The following ZNF385B variants were observed in gnomAD, a reference collection of about 807,000 sequenced individuals.
The protein encoded by ZNF385B is zinc finger protein 533.
In ZNF385B, 23 loss-of-function variants were observed where a neutral mutation model predicts 39.2. That is an observed-to-expected ratio of 0.59 (90% CI 0.42 to 0.83). ZNF385B has a LOEUF of 0.83. Among genes scored for constraint, ZNF385B ranks in the 40% least tolerant of loss-of-function variants. The pLI is 0.00. For missense variants in ZNF385B, 552 were observed against 598.9 expected, an observed-to-expected ratio of 0.92 and a Z score of 0.82; for synonymous variants, 205 against 222.6, an observed-to-expected ratio of 0.92 and a Z score of 0.70.
intron 1 of ZNF385B, among the ~76,000 whole-genome samples, chr2:179,850,468 C>T (rs1386820194): frequency 1.3e-5 from 2 of 152,182 alleles, no homozygotes; most frequent in Non-Finnish European, 2.9e-5. Flanking sequence ...TATGATCCCA[C>T]CCACTGAATC....
chr2:179,625,295 A>C (rs1234638809), intron 3 of ZNF385B, among the ~76,000 whole-genome samples: 3 of 152,134 alleles, frequency 2.0e-5, no homozygotes, highest in Non-Finnish European at 4.4e-5. Flanking sequence ...GGAAGTTCAG[A>C]TGCAAGAATA....
At chr2:179,795,792 C>T (rs1283483566) in intron 1 of ZNF385B, among the ~76,000 whole-genome samples, 2 of 152,070 alleles carry the variant, frequency 1.3e-5, no homozygotes, top group Non-Finnish European at 2.9e-5. Flanking sequence ...ACATTAAATT[C>T]CTGTTAGAAG....
At chr2:179,587,918 G>A (rs907362646) in intron 3 of ZNF385B, among the ~76,000 whole-genome samples, 1 of 152,136 alleles carries the variant, frequency 6.6e-6, no homozygotes, top group African/African-American at 2.4e-5. Flanking sequence ...CTTGCCCCAT[G>A]CTTAGGGTCT....
intron 4 of ZNF385B, among the ~76,000 whole-genome samples, chr2:179,530,299 GA>G (rs2059177836): frequency 2.0e-5 from 3 of 151,768 alleles, no homozygotes; most frequent in Admixed American, 6.6e-5. Flanking sequence ...TTTAGGAGAG[GA>G]AAAAAAGTAT....
intron 5 of ZNF385B, among the ~76,000 whole-genome samples, chr2:179,491,159 G>T (rs2055180067): frequency 6.6e-6 from 1 of 152,036 alleles, no homozygotes; most frequent in Non-Finnish European, 1.5e-5. Flanking sequence ...GTAATAAAAT[G>T]ATTTTTATTT....
chr2:179,803,065 A>C (rs935920081), intron 1 of ZNF385B, among the ~76,000 whole-genome samples: 5 of 152,194 alleles, frequency 3.3e-5, no homozygotes, highest in African/African-American at 9.6e-5. Flanking sequence ...TGTGAGGGAA[A>C]CATTTTTATC....
At chr2:179,447,846 G>T (rs1194920213) in intron 6 of ZNF385B, among the ~76,000 whole-genome samples, 1 of 152,148 alleles carries the variant, frequency 6.6e-6, no homozygotes, top group African/African-American at 2.4e-5. Flanking sequence ...CTGTGTGTAT[G>T]TTACAAGGTT....
At chr2:179,477,404 A>T (rs2053545492) in intron 6 of ZNF385B, among the ~76,000 whole-genome samples, 1 of 152,184 alleles carries the variant, frequency 6.6e-6, no homozygotes, top group Non-Finnish European at 1.5e-5. Flanking sequence ...CAATATACTG[A>T]AAACTAAAAT....
At chr2:179,764,981 A>G (rs1383814062) in intron 3 of ZNF385B, among the ~76,000 whole-genome samples, 2 of 152,158 alleles carry the variant, frequency 1.3e-5, no homozygotes, top group African/African-American at 4.8e-5. Context: ...CTCAGACTAG[A>G]ACTATACCAT....
chr2:179,785,744 C>T (rs1038297633), intron 1 of ZNF385B, among the ~76,000 whole-genome samples: 3 of 152,176 alleles, frequency 2.0e-5, no homozygotes, highest in African/African-American at 4.8e-5. Flanking sequence ...TTGCTTCTTA[C>T]GGATGAGCAA....
At chr2:179,499,980 T>C (rs535945937) in intron 5 of ZNF385B, among the ~76,000 whole-genome samples, 3 of 152,102 alleles carry the variant, frequency 2.0e-5, no homozygotes, top group Non-Finnish European at 4.4e-5. Flanking sequence ...ATCTGTAGCA[T>C]TTTTATATGT....
At chr2:179,494,494 C>A (rs192256677) in intron 5 of ZNF385B, among the ~76,000 whole-genome samples, 1 of 152,016 alleles carries the variant, frequency 6.6e-6, no homozygotes, top group Non-Finnish European at 1.5e-5. Context: ...ATTTTCTTAA[C>A]GGATATTTAT....
At chr2:179,499,861 CA>C (rs2056597913) in intron 5 of ZNF385B, among the ~76,000 whole-genome samples, 1 of 151,886 alleles carries the variant, frequency 6.6e-6, no homozygotes. Context: ...TCCTTATTTG[CA>C]GATAATATTA....
chr2:179,623,523 C>T (rs1347227920), intron 3 of ZNF385B, among the ~76,000 whole-genome samples: 1 of 152,094 alleles, frequency 6.6e-6, no homozygotes, highest in Admixed American at 6.6e-5. Context: ...TATCAAGAGG[C>T]AGGAACAGGG....
chr2:179,515,189 C>G (rs575531816), intron 5 of ZNF385B, among the ~76,000 whole-genome samples: 1 of 152,230 alleles, frequency 6.6e-6, no homozygotes, highest in South Asian at 2.1e-4. Context: ...TGTTCAACAT[C>G]TCTTGTTTTG....
At chr2:179,449,920 C>G (rs1396634163) in intron 6 of ZNF385B, among the ~76,000 whole-genome samples, 1 of 151,738 alleles carries the variant, frequency 6.6e-6, no homozygotes, top group African/African-American at 2.4e-5. Context: ...ACCAATGGAA[C>G]AGAACAGAGC....
At chr2:179,787,964 T>A (rs1450510265) in intron 1 of ZNF385B, among the ~76,000 whole-genome samples, 1 of 152,180 alleles carries the variant, frequency 6.6e-6, no homozygotes, top group Non-Finnish European at 1.5e-5. Context: ...ATTTTAGGTA[T>A]CATTTACCAC....
chr2:179,837,656 G>T (rs908175252), intron 1 of ZNF385B, among the ~76,000 whole-genome samples: 4 of 152,146 alleles, frequency 2.6e-5, no homozygotes, highest in African/African-American at 9.7e-5. Flanking sequence ...GTATTTTGAG[G>T]GTATTCGAGT....
chr2:179,528,531 C>A (rs913404523), intron 4 of ZNF385B, among the ~76,000 whole-genome samples: 2 of 152,172 alleles, frequency 1.3e-5, no homozygotes, highest in Admixed American at 6.6e-5. Context: ...TGTTTTTCAT[C>A]TTTTATACTT....
Sources: allele counts gnomAD v4.1 joint callset (sites outside exome capture counted in the v4.1 genomes callset), GRCh38; gene constraint gnomAD v4.1.1; transcripts MANE v1.5; gene names NCBI Gene and HGNC (gene_info 2026-07-23, HGNC 2026-07-21).